ARHGEF4: variants seen among roughly 807,000 people sequenced by gnomAD.
ARHGEF4 encodes the protein APC-stimulated guanine nucleotide exchange factor 1.
Under a neutral mutation model 162.0 loss-of-function variants are expected in ARHGEF4, and 119 were observed. The observed-to-expected ratio is 0.73, with a 90% CI of 0.63 to 0.86. The LOEUF is 0.86. Among genes scored for constraint, ARHGEF4 ranks in the 40% least tolerant of loss-of-function variants. The probability of loss-of-function intolerance (pLI) is 0.00; values close to 1 mark genes in which losing one functional copy is unlikely to be tolerated. For synonymous variants in ARHGEF4, 1,014 were observed against 979.9 expected (o/e 1.03, Z -0.65); for missense variants, 2,488 against 2,456.0 (o/e 1.01, Z -0.28).
chr2:130,840,808 G>C (rs1368142582), intron 1 of ARHGEF4, among the ~76,000 whole-genome samples: 1 of 152,204 alleles, frequency 6.6e-6, no homozygotes, highest in Admixed American at 6.5e-5. Flanking sequence ...CTCAGAACCA[G>C]CCCTCAATGG....
At chr2:130,908,859 T>C (rs1327611046) in intron 1 of ARHGEF4, among the ~76,000 whole-genome samples, 2 of 152,102 alleles carry the variant, frequency 1.3e-5, no homozygotes, top group African/African-American at 2.4e-5. Context: ...AATCCAGTTT[T>C]TAAACATGGG....
chr2:130,947,770 G>A (rs187315635), intron 4 of ARHGEF4, among the ~76,000 whole-genome samples: 1 of 152,178 alleles, frequency 6.6e-6, no homozygotes, highest in Non-Finnish European at 1.5e-5. Flanking sequence ...AACCCAGCAG[G>A]GCTGGACACG....
At chr2:131,030,079 C>T (rs934847669) in intron 5 of ARHGEF4, among the ~76,000 whole-genome samples, 2 of 152,202 alleles carry the variant, frequency 1.3e-5, no homozygotes, top group South Asian at 2.1e-4. Flanking sequence ...TCTCCAACCA[C>T]GAGGGTGATC....
chr2:131,001,703 C>T (rs1031227156), intron 4 of ARHGEF4, among the ~76,000 whole-genome samples: 2 of 151,910 alleles, frequency 1.3e-5, no homozygotes, highest in East Asian at 1.9e-4. Context: ...GCTGAGGCTT[C>T]GAGGTTATAC....
intron 4 of ARHGEF4, among the ~76,000 whole-genome samples, chr2:130,963,490 C>A (rs1186353685): frequency 6.6e-6 from 1 of 152,008 alleles, no homozygotes; most frequent in African/African-American, 2.4e-5. Context: ...GCCCACCAGC[C>A]CTCCTCACCA....
intron 4 of ARHGEF4, among the ~76,000 whole-genome samples, chr2:130,974,229 A>G (rs1685547746): frequency 6.6e-6 from 1 of 151,576 alleles, no homozygotes; most frequent in Non-Finnish European, 1.5e-5. Flanking sequence ...CCGAGATCAC[A>G]CCACTGCACT....
intron 1 of ARHGEF4, among the ~76,000 whole-genome samples, chr2:130,887,228 G>A (rs1242644186): frequency 6.6e-6 from 1 of 151,936 alleles, no homozygotes; most frequent in African/African-American, 2.4e-5. Context: ...CTACTTGGGA[G>A]GCTGAGGCAG....
chr2:130,889,522 G>A (rs1414215574), intron 1 of ARHGEF4, among the ~76,000 whole-genome samples: 2 of 151,820 alleles, frequency 1.3e-5, no homozygotes, highest in Non-Finnish European at 1.5e-5. Flanking sequence ...TTTCTTAAAT[G>A]TACTTACAGG....
intron 1 of ARHGEF4, among the ~76,000 whole-genome samples, chr2:130,869,840 G>C (rs999827697): frequency 6.6e-6 from 1 of 152,172 alleles, no homozygotes; most frequent in African/African-American, 2.4e-5. Flanking sequence ...TTGTGTTTTC[G>C]GTGTTAAGCT....
intron 3 of ARHGEF4, among the ~76,000 whole-genome samples, chr2:130,940,703 C>T (rs112657422): frequency 0.23 from 34,180 of 147,882 alleles, 4,702 homozygotes; most frequent in African/African-American, 0.38. Context: ...TGGTGGCGGG[C>T]GCCTGTAGTC....
intron 5 of ARHGEF4, chr2:131,035,688 G>A: frequency 1.0e-6 from 1 of 986,102 alleles, no homozygotes; most frequent in Non-Finnish European, 1.2e-6. Context: ...ACCTGCAGTT[G>A]TTTTTCCCGT....
At chr2:131,042,025 AAGGGAGCTGAAGC>A in intron 10 of ARHGEF4, 81 bp downstream of exon 10, 1 of 1,511,696 alleles carries the variant, frequency 6.6e-7, no homozygotes, top group Non-Finnish European at 8.9e-7. Context: ...AAAAATCTAG[AAGGGAGCTGAAGC>A]AGGGAGCTGC....
intron 1 of ARHGEF4, among the ~76,000 whole-genome samples, chr2:130,913,733 G>A (rs562096681): frequency 7.2e-5 from 11 of 152,160 alleles, no homozygotes; most frequent in East Asian, 3.9e-4. Flanking sequence ...GCGTTGGTCC[G>A]GTTCTGATTT....
At chr2:130,852,640 A>C (rs1216565443) in intron 1 of ARHGEF4, among the ~76,000 whole-genome samples, 1 of 152,220 alleles carries the variant, frequency 6.6e-6, no homozygotes, top group African/African-American at 2.4e-5. Flanking sequence ...GCGAGCGAGC[A>C]CGATGTGCAG....
At chr2:131,041,157 C>T (rs1690783627) in intron 8 of ARHGEF4, 73 bp from the exon 9 acceptor site, 2 of 1,440,060 alleles carry the variant, frequency 1.4e-6, no homozygotes, top group African/African-American at 1.4e-5. Context: ...GGCTCTTGCC[C>T]TTCCCACACA....
intron 4 of ARHGEF4, among the ~76,000 whole-genome samples, chr2:130,964,995 A>G (rs534089529): frequency 6.6e-6 from 1 of 152,358 alleles, no homozygotes; most frequent in South Asian, 2.1e-4. Flanking sequence ...AGAATTATTT[A>G]TATTTCACTT....
In ARHGEF4 at chr2:130,963,422, T is replaced by C. The variant is rs564405383; in HGVS notation, c.3985+16787T>C. Among the ~76,000 whole-genome samples, 10 of 151,786 alleles carry C rather than the reference T, an allele frequency of 6.6e-5. No individual in the cohort carries two copies. In the East Asian group the frequency reaches 2.0e-3, roughly 30 times the overall value. On this transcript the variant is annotated intron_variant, in intron 4 of 13. Transcript: ENST00000409359. ...CACCTGCTTGCGTCCTCGCCCTGGATGGCGTGGGAGGCGCCGCCAACCGTC... is the reference window on the plus strand; with the variant it reads ...CACCTGCTTGCGTCCTCGCCCTGGACGGCGTGGGAGGCGCCGCCAACCGTC...
chr2:131,023,445 C>G (rs1421923931), intron 4 of ARHGEF4, among the ~76,000 whole-genome samples: 1 of 151,762 alleles, frequency 6.6e-6, no homozygotes, highest in Non-Finnish European at 1.5e-5. Context: ...AAAAAATAGG[C>G]AAAAGACATA....
chr2:131,037,557 C>A (rs1286780514), intron 5 of ARHGEF4, among the ~76,000 whole-genome samples: 1 of 152,082 alleles, frequency 6.6e-6, no homozygotes, highest in Non-Finnish European at 1.5e-5. Flanking sequence ...ACAGCCAGTG[C>A]CAACACCTGG....
Sources: gnomAD v4.1 joint callset for allele counts (sites outside exome capture counted in the v4.1 genomes callset) on GRCh38, gnomAD v4.1.1 for gene constraint, MANE v1.5 for transcripts, NCBI Gene and HGNC (gene_info 2026-07-23, HGNC 2026-07-21) for gene names.